RUNX1T1: variants seen among roughly 807,000 people sequenced by gnomAD.
RUNX1T1 encodes RUNX1 partner transcriptional co-repressor 1.
RUNX1T1 carries 4 observed loss-of-function variants against 62.8 expected under a neutral mutation model. That is an observed-to-expected ratio of 0.06 (90% CI 0.03 to 0.15). RUNX1T1 has a LOEUF of 0.15. Ranked by LOEUF, RUNX1T1 falls within the 10% of genes least tolerant of loss-of-function variation. RUNX1T1 has a pLI of 1.00. For missense variants in RUNX1T1, 508 were observed against 754.3 expected (o/e 0.67, Z 3.82); for synonymous variants, 291 against 286.0 (o/e 1.02, Z -0.18).
chr8:92,062,760 C>G, exon 1 of RUNX1T1: 4 of 1,536,528 alleles, frequency 2.6e-6, no homozygotes, highest in Non-Finnish European at 3.5e-6. Flanking sequence ...GCACTTGGAG[C>G]AGAAATGTGG....
Position 92,053,293 on chromosome 8 carries a change from T to C in RUNX1T1, c.7+9253A>G, listed in dbSNP as rs1385608477. On this transcript the variant is annotated intron_variant, in intron 1 of 10. Coordinates refer to ENST00000396218, the Ensembl canonical transcript of RUNX1T1. ...AAATTTATCATGTAAAAGATAAAAA[T>C]ATTTCATTAATACTTCTCTTTGCTA... 2.6e-5 allele frequency among the ~76,000 whole-genome samples: 4 copies of C among 152,144 alleles called. No individual in the cohort carries two copies. The East Asian group carries it at 7.7e-4, about 29-fold the overall frequency.
intron 9 of RUNX1T1, among the ~76,000 whole-genome samples, chr8:91,973,933 C>T (rs910030642): frequency 1.3e-5 from 2 of 151,934 alleles, no homozygotes; most frequent in Non-Finnish European, 2.9e-5. Context: ...GAGAAGAATA[C>T]AAATTTAATG....
chr8:92,047,891 AC>A (rs769038629), intron 1 of RUNX1T1, among the ~76,000 whole-genome samples: 1 of 152,206 alleles, frequency 6.6e-6, no homozygotes, highest in East Asian at 1.9e-4. Flanking sequence ...AACATCTGCT[AC>A]AGACCTTTGT....
At chr8:91,956,292 CCT>C (rs1809371523), downstream of RUNX1T1, 3 of 231,638 alleles carry the variant, frequency 1.3e-5, no homozygotes, top group African/African-American at 6.6e-5. Context: ...AGAAACATCC[CCT>C]TATGAATGAG....
rs1045653999 is a variant in RUNX1T1 at position 92,006,131 on chromosome 8, T to C, written c.478-834A>G. The C allele has an allele frequency of 1.6e-4, 25 of 152,208 alleles. 1 individual carries two copies. The highest frequency in any genetic ancestry group is 3.3e-4 in the Admixed American group (5 of 15,278). 9.4% of individuals were successfully genotyped at this position (152,208 alleles called of 1,614,324 possible). ...TAGGCTGATCGGTAATTCTGGCAAT[T>C]TCAAATGTAATAAGAGAGAAAGAGG... On this transcript the variant is annotated intron_variant, in intron 4 of 10. Transcript: ENST00000396218.
intron 1 of RUNX1T1, among the ~76,000 whole-genome samples, chr8:92,020,987 G>A (rs527390217): frequency 9.2e-5 from 14 of 152,174 alleles, no homozygotes; most frequent in African/African-American, 3.1e-4. Context: ...GAGAGGACCA[G>A]TATAAAACAA....
chr8:92,060,522 A>AATATATATATATATATAT (rs61066655), intron 1 of RUNX1T1, among the ~76,000 whole-genome samples: 47 of 76,288 alleles, frequency 6.2e-4, no homozygotes, highest in Non-Finnish European at 9.7e-4. Context: ...TCAACTACCA[A>AATATATATATATATATAT]ATATATATAT....
chr8:92,073,314 T>C (rs1394033533), intron 2 of RUNX1T1, among the ~76,000 whole-genome samples: 2 of 152,104 alleles, frequency 1.3e-5, no homozygotes, highest in Non-Finnish European at 2.9e-5. Flanking sequence ...GCGTTCTCAT[T>C]TTACCAGCTT....
chr8:92,090,198 T>A (rs1836772799), intron 1 of RUNX1T1, among the ~76,000 whole-genome samples: 1 of 151,958 alleles, frequency 6.6e-6, no homozygotes, highest in African/African-American at 2.4e-5. Flanking sequence ...TCCTTTTTTT[T>A]TTTTTTCTAA....
intron 1 of RUNX1T1, among the ~76,000 whole-genome samples, chr8:92,056,321 G>T (rs1321034393): frequency 6.6e-6 from 1 of 152,128 alleles, no homozygotes; most frequent in Non-Finnish European, 1.5e-5. Flanking sequence ...ACATGATAAA[G>T]ACACCCTCCT....
In RUNX1T1 at chr8:92,034,791, C is replaced by CATATATATACACAT. The variant is rs145057755; in HGVS notation, c.8-17429_8-17428insATGTGTATATATAT. 2.7e-3 allele frequency among the ~76,000 whole-genome samples: 312 copies of CATATATATACACAT among 115,564 alleles called. 11 individuals are homozygous for CATATATATACACAT. The highest frequency in any genetic ancestry group is 4.6e-3 in the Non-Finnish European group (257 of 56,200). The allele number at this position is 115,564 out of a possible 152,430, so 75.8% of individuals were successfully genotyped here. A position where few individuals can be genotyped will look rare whatever the true frequency, so the allele number is the denominator to read the frequency against. On this transcript the variant is annotated intron_variant, in intron 1 of 10. Transcript: ENST00000396218. ...ACATATATATACACATATATATATA[C>CATATATATACACAT]ATATATACACACACACACACACACA...
exon 11 of RUNX1T1, chr8:91,959,408 T>C (rs1809872058): frequency 4.7e-6 from 1 of 210,750 alleles, no homozygotes; most frequent in African/African-American, 2.5e-5. Context: ...GCTGAGTCTC[T>C]TACTTGTGTG....
At chr8:91,955,801 C>G (rs1723578195), downstream of RUNX1T1, 2 of 226,504 alleles carry the variant, frequency 8.8e-6, no homozygotes, top group South Asian at 1.8e-4. Flanking sequence ...GTTTTGAAAA[C>G]TACACATAAA....
At chr8:92,044,643 A>G (rs936982328) in intron 1 of RUNX1T1, among the ~76,000 whole-genome samples, 2 of 152,220 alleles carry the variant, frequency 1.3e-5, no homozygotes, top group African/African-American at 4.8e-5. Context: ...AATAAATATT[A>G]TTACTGTCAT....
chr8:92,015,960 G>T (rs1451264208), intron 2 of RUNX1T1, among the ~76,000 whole-genome samples: 2 of 152,162 alleles, frequency 1.3e-5, no homozygotes, highest in African/African-American at 4.8e-5. Context: ...GCATTGCACA[G>T]TCACCTGCTC....
intron 6 of RUNX1T1, among the ~76,000 whole-genome samples, chr8:91,987,431 A>G (rs1413809799): frequency 6.6e-6 from 1 of 152,196 alleles, no homozygotes; most frequent in Non-Finnish European, 1.5e-5. Flanking sequence ...ATTTTTCTAC[A>G]TGTCAGCCTT....
At chr8:92,026,773 G>A (rs537361918) in intron 1 of RUNX1T1, among the ~76,000 whole-genome samples, 2 of 151,748 alleles carry the variant, frequency 1.3e-5, no homozygotes, top group East Asian at 2.0e-4. Context: ...AGTTAGCCAA[G>A]ATCGTGCCAC....
chr8:92,092,272 A>G (rs990208616), intron 1 of RUNX1T1, among the ~76,000 whole-genome samples: 1 of 152,216 alleles, frequency 6.6e-6, no homozygotes, highest in African/African-American at 2.4e-5. Flanking sequence ...CTTTTTAATT[A>G]AAATTAGATA....
At chr8:91,995,772 G>A (rs1364265254) in intron 5 of RUNX1T1, among the ~76,000 whole-genome samples, 1 of 152,110 alleles carries the variant, frequency 6.6e-6, no homozygotes, top group African/African-American at 2.4e-5. Flanking sequence ...GAGCAACAGA[G>A]TGAGACCCTG....
Sources: allele counts gnomAD v4.1 joint callset (sites outside exome capture counted in the v4.1 genomes callset), GRCh38; gene constraint gnomAD v4.1.1; transcripts MANE v1.5; gene names NCBI Gene and HGNC (gene_info 2026-07-23, HGNC 2026-07-21).